Variants in TBCA observed in about 807,000 individuals in gnomAD.
The protein encoded by TBCA is tubulin folding cofactor A, also known as tubulin-specific chaperone A.
In TBCA, 6 loss-of-function variants were observed where a neutral mutation model predicts 15.8. That is an observed-to-expected ratio of 0.38 (90% CI 0.21 to 0.75). The LOEUF (loss-of-function observed/expected upper bound fraction) is 0.75. Ranked by LOEUF, TBCA falls within the 30% of genes least tolerant of loss-of-function variation. The pLI, the probability that TBCA is intolerant of heterozygous loss-of-function variation, is 0.46. For missense variants in TBCA, 90 were observed against 131.2 expected, an observed-to-expected ratio of 0.69 and a Z score of 1.53; for synonymous variants, 32 against 42.3, an observed-to-expected ratio of 0.76 and a Z score of 0.94.
chr5:77,698,646 G>T lies in TBCA; in HGVS notation c.160-5294C>A, dbSNP rs144797275. Among the ~76,000 whole-genome samples the T allele has an allele frequency of 5.4e-3, 824 of 152,220 alleles. 2 individuals are homozygous for T. Among genetic ancestry groups the T allele is most frequent in the African/African-American group, 0.019 (772 of 41,538 alleles). ...GAAAACAGAAAAGGAAGGAACAAAT[G>T]ATTTTTGAAATCAGTATTCCCAAAT... On this transcript the variant is annotated intron_variant, in intron 2 of 3. Coordinates refer to ENST00000380377, the MANE Select transcript of TBCA (RefSeq NM_004607.3).
At chr5:77,732,587 T>G in intron 1 of TBCA, among the ~76,000 whole-genome samples, 2 of 151,158 alleles carry the variant, frequency 1.3e-5, no homozygotes, top group African/African-American at 2.4e-5. Context: ...ATTGAAGGTT[T>G]GTGGTAATCG....
At chr5:77,692,873 C>T in intron 3 of TBCA, 8 of 1,145,340 alleles carry the variant, frequency 7.0e-6, no homozygotes, top group Non-Finnish European at 8.6e-6. Flanking sequence ...ATTCAAGATC[C>T]TTTTAATAAG....
chr5:77,693,053 GAACA>G lies in TBCA; in HGVS notation c.246+209_246+212del. 7 of 1,435,544 alleles carry G rather than the reference GAACA, an allele frequency of 4.9e-6. 1 individual carries two copies. The South Asian group carries it at 9.3e-5, about 19-fold the overall frequency. 88.9% of individuals were successfully genotyped at this position (1,435,544 alleles called of 1,614,324 possible). A position where few individuals can be genotyped will look rare whatever the true frequency, so the allele number is the denominator to read the frequency against. On this transcript the variant is annotated intron_variant, in intron 3 of 3. Transcript: ENST00000380377. ...TTAACTAGCTAAATTTTAATAAACT[GAACA>G]AACATGCTAGAAAACAGTACTTTTA...
chr5:77,739,847 C>T (rs925723413), intron 1 of TBCA, among the ~76,000 whole-genome samples: 2 of 152,112 alleles, frequency 1.3e-5, no homozygotes, highest in Non-Finnish European at 2.9e-5. Context: ...AATAAGAATA[C>T]AACATCAACA....
intron 1 of TBCA, among the ~76,000 whole-genome samples, chr5:77,717,086 A>G (rs979650184): frequency 1.3e-5 from 2 of 152,206 alleles, no homozygotes; most frequent in African/African-American, 4.8e-5. Context: ...ATCATGAGGA[A>G]ATCCTGCCTA....
At chr5:77,720,105 A>C (rs2112454429) in intron 1 of TBCA, among the ~76,000 whole-genome samples, 1 of 152,200 alleles carries the variant, frequency 6.6e-6, no homozygotes, top group Non-Finnish European at 1.5e-5. Context: ...GATCATCATC[A>C]TCTCTCTCTA....
At chr5:77,753,761 CATA>C (rs1747410625) in intron 1 of TBCA, among the ~76,000 whole-genome samples, 1 of 152,022 alleles carries the variant, frequency 6.6e-6, no homozygotes. Flanking sequence ...CAATTAATCA[CATA>C]ATATTTTTTG....
chr5:77,702,837 C>T (rs554778653), intron 2 of TBCA, among the ~76,000 whole-genome samples: 1 of 152,288 alleles, frequency 6.6e-6, no homozygotes, highest in African/African-American at 2.4e-5. Flanking sequence ...TATAAGCCTG[C>T]ATATAGGTAC....
intron 1 of TBCA, among the ~76,000 whole-genome samples, chr5:77,728,031 G>T (rs1364532611): frequency 6.6e-6 from 1 of 152,090 alleles, no homozygotes; most frequent in Non-Finnish European, 1.5e-5. Context: ...AATTTTTTAA[G>T]AGTTCATTCC....
At chr5:77,700,046 AAAAAG>A (rs1216896612) in intron 2 of TBCA, among the ~76,000 whole-genome samples, 21 of 146,184 alleles carry the variant, frequency 1.4e-4, no homozygotes, top group Middle Eastern at 6.8e-3. Context: ...AAAAAAAAAA[AAAAAG>A]AAAATTAGCC....
At chr5:77,692,820 T>C in intron 3 of TBCA, 1 of 1,063,064 alleles carries the variant, frequency 9.4e-7, no homozygotes, top group Non-Finnish European at 1.1e-6. Context: ...GATTACCAGG[T>C]TTTTTCCCCC....
chr5:77,738,284 T>C (rs1435662547), intron 1 of TBCA, among the ~76,000 whole-genome samples: 2 of 152,348 alleles, frequency 1.3e-5, no homozygotes, highest in East Asian at 3.9e-4. Flanking sequence ...ACTGATATGG[T>C]GCAAATGCAT....
At chr5:77,769,031 G>A (rs754367788) in intron 1 of TBCA, among the ~76,000 whole-genome samples, 1 of 152,224 alleles carries the variant, frequency 6.6e-6, no homozygotes, top group African/African-American at 2.4e-5. Context: ...AATACCTTGT[G>A]TTGGGAAAAC....
At chr5:77,776,159 T>A in intron 1 of TBCA, 46 bp downstream of exon 1, 1 of 1,548,158 alleles carries the variant, frequency 6.5e-7, no homozygotes, top group Non-Finnish European at 8.7e-7. Context: ...CGGGCCGCCA[T>A]GAGGTGACGA....
At chr5:77,776,053 T>A in intron 1 of TBCA, 152 bp downstream of exon 1, 1 of 886,388 alleles carries the variant, frequency 1.1e-6, no homozygotes, top group Non-Finnish European at 1.7e-6. Context: ...CCCCGCTGGG[T>A]CCCTGCCAGT....
intron 1 of TBCA, among the ~76,000 whole-genome samples, chr5:77,752,015 AAT>A (rs1180990370): frequency 6.6e-6 from 1 of 152,158 alleles, no homozygotes; most frequent in Non-Finnish European, 1.5e-5. Context: ...TGGTTGCAAG[AAT>A]AACCTCCTGT....
At chr5:77,759,895 G>A (rs1042514765) in intron 1 of TBCA, among the ~76,000 whole-genome samples, 1 of 152,090 alleles carries the variant, frequency 6.6e-6, no homozygotes, top group Non-Finnish European at 1.5e-5. Context: ...TGCCAAGAAG[G>A]CCTGCTAATT....
intron 1 of TBCA, among the ~76,000 whole-genome samples, chr5:77,761,259 G>C (rs915710282): frequency 1.3e-5 from 2 of 152,050 alleles, no homozygotes; most frequent in Non-Finnish European, 2.9e-5. Context: ...GAAAGAAGTA[G>C]ACATAGGAGA....
chr5:77,700,719 A>G (rs1219882476), intron 2 of TBCA, among the ~76,000 whole-genome samples: 1 of 152,210 alleles, frequency 6.6e-6, no homozygotes, highest in Non-Finnish European at 1.5e-5. Flanking sequence ...CTTTTATCCT[A>G]TGGAAATGAA....
Sources: gnomAD v4.1 joint callset for allele counts (sites outside exome capture counted in the v4.1 genomes callset) on GRCh38, gnomAD v4.1.1 for gene constraint, MANE v1.5 for transcripts, NCBI Gene and HGNC (gene_info 2026-07-23, HGNC 2026-07-21) for gene names.